The following CLEC16A variants were observed in gnomAD, a reference collection of about 807,000 sequenced individuals.
CLEC16A encodes the protein C-type lectin domain containing 16A, also known as protein CLEC16A.
In CLEC16A, 51 loss-of-function variants were observed where a neutral mutation model predicts 109.5. That is an observed-to-expected ratio of 0.47 (90% CI 0.37 to 0.59). The LOEUF is 0.59. Among genes scored for constraint, CLEC16A ranks in the 20% least tolerant of loss-of-function variants. The pLI is 0.00. For missense variants in CLEC16A, 1,339 were observed against 1,394.0 expected, an observed-to-expected ratio of 0.96 and a Z score of 0.63; for synonymous variants, 673 against 564.2, an observed-to-expected ratio of 1.19 and a Z score of -2.73.
At chr16:11,083,521 G>A (rs1489034060) in intron 19 of CLEC16A, among the ~76,000 whole-genome samples, 3 of 152,220 alleles carry the variant, frequency 2.0e-5, no homozygotes, top group East Asian at 3.9e-4. Flanking sequence ...CCATGTGGGA[G>A]GGGCCCAGGT....
chr16:11,151,821 G>C (rs2054301271), intron 22 of CLEC16A, among the ~76,000 whole-genome samples: 1 of 152,216 alleles, frequency 6.6e-6, no homozygotes, highest in Admixed American at 6.5e-5. Context: ...CCACTTTCGG[G>C]GGGCGGGGGC....
intron 8 of CLEC16A, among the ~76,000 whole-genome samples, chr16:10,978,463 G>T (rs1415699630): frequency 2.0e-5 from 3 of 152,138 alleles, no homozygotes; most frequent in Non-Finnish European, 4.4e-5. Context: ...GTAGAAACGG[G>T]GTTTCACCAT....
At chr16:11,158,350 C>CGGGTTG (rs936573405) in intron 22 of CLEC16A, among the ~76,000 whole-genome samples, 1 of 152,162 alleles carries the variant, frequency 6.6e-6, no homozygotes, top group African/African-American at 2.4e-5. Flanking sequence ...GGAAAATGCA[C>CGGGTTG]GGGTTGCTTC....
intron 11 of CLEC16A, among the ~76,000 whole-genome samples, chr16:11,017,261 G>A (rs773293624): frequency 6.6e-6 from 1 of 152,068 alleles, no homozygotes; most frequent in Non-Finnish European, 1.5e-5. Context: ...GATACTTATT[G>A]TGTGCCTACT....
intron 1 of CLEC16A, among the ~76,000 whole-genome samples, chr16:10,953,617 C>G (rs908221822): frequency 6.6e-6 from 1 of 152,172 alleles, no homozygotes; most frequent in African/African-American, 2.4e-5. Context: ...CAATATTTAT[C>G]TCCAGTAAAG....
chr16:11,127,924 G>C, intron 22 of CLEC16A, among the ~76,000 whole-genome samples: 1 of 152,204 alleles, frequency 6.6e-6, no homozygotes, highest in Admixed American at 6.5e-5. Context: ...GGCACCGCCT[G>C]TTTTCAGTGA....
chr16:11,006,142 C>T (rs922182586), intron 11 of CLEC16A, among the ~76,000 whole-genome samples: 18 of 152,248 alleles, frequency 1.2e-4, no homozygotes, highest in African/African-American at 4.1e-4. Context: ...GGAGAGGGGG[C>T]TTCTCCTTCC....
chr16:11,100,970 G>A (rs979014040), intron 19 of CLEC16A, among the ~76,000 whole-genome samples: 9 of 152,156 alleles, frequency 5.9e-5, no homozygotes, highest in African/African-American at 2.2e-4. Flanking sequence ...GGCTGCGTGA[G>A]GGCCAGACCT....
chr16:11,166,681 C>A, intron 23 of CLEC16A, 129 bp downstream of exon 23: 1 of 948,484 alleles, frequency 1.1e-6, no homozygotes, highest in Non-Finnish European at 1.5e-6. Context: ...CTCAGGTGAT[C>A]TGCACATGAA....
At chr16:11,153,790 TA>T (rs902340161) in intron 22 of CLEC16A, among the ~76,000 whole-genome samples, 2 of 152,054 alleles carry the variant, frequency 1.3e-5, no homozygotes, top group East Asian at 1.9e-4. Context: ...TTAATAATAC[TA>T]AAAAAATAAG....
intron 3 of CLEC16A, among the ~76,000 whole-genome samples, chr16:10,965,267 A>G (rs2042446339): frequency 1.3e-5 from 2 of 152,226 alleles, no homozygotes; most frequent in Non-Finnish European, 2.9e-5. Context: ...AAATCATTGC[A>G]CGTTTACAGA....
intron 22 of CLEC16A, among the ~76,000 whole-genome samples, chr16:11,150,483 G>C (rs909252604): frequency 6.6e-6 from 1 of 152,120 alleles, no homozygotes; most frequent in African/African-American, 2.4e-5. Context: ...TCTATCCCGG[G>C]CAGCGTTGCA....
At chr16:11,078,196 G>A (rs2049497849) in intron 19 of CLEC16A, among the ~76,000 whole-genome samples, 1 of 138 alleles carries the variant, frequency 7.2e-3, no homozygotes, top group African/African-American at 0.019. Flanking sequence ...TGGGTGGTGC[G>A]AAGGCCCTGT....
At chr16:11,011,689 G>A (rs1035356043) in intron 11 of CLEC16A, among the ~76,000 whole-genome samples, 11 of 152,156 alleles carry the variant, frequency 7.2e-5, no homozygotes, top group Non-Finnish European at 1.5e-4. Context: ...AGTGGAGAAA[G>A]CTAGGAAATC....
chr16:11,124,425 C>G (rs2052651968), intron 21 of CLEC16A, among the ~76,000 whole-genome samples: 1 of 152,208 alleles, frequency 6.6e-6, no homozygotes, highest in Non-Finnish European at 1.5e-5. Context: ...CTTCCTCCTT[C>G]CCCTTCCCAG....
At chr16:11,103,725 G>A (rs2051056458) in intron 19 of CLEC16A, among the ~76,000 whole-genome samples, 1 of 151,894 alleles carries the variant, frequency 6.6e-6, no homozygotes, top group African/African-American at 2.4e-5. Context: ...ACTTCTTTGG[G>A]CTCCCATGCT....
chr16:10,974,330 A>C (rs1164846315), intron 7 of CLEC16A, among the ~76,000 whole-genome samples: 1 of 152,182 alleles, frequency 6.6e-6, no homozygotes, highest in Non-Finnish European at 1.5e-5. Flanking sequence ...TGGAATGTGA[A>C]TTATACTTCA....
chr16:11,137,483 T>C (rs8045630), intron 22 of CLEC16A, among the ~76,000 whole-genome samples: 108,235 of 151,280 alleles, frequency 0.72, 40,293 homozygotes, highest in African/African-American at 0.93. Context: ...CAGCTGGGCG[T>C]GGTGGCTCAC....
chr16:11,064,701 C>G (rs1193204521), intron 19 of CLEC16A, among the ~76,000 whole-genome samples: 1 of 152,096 alleles, frequency 6.6e-6, no homozygotes, highest in Non-Finnish European at 1.5e-5. Flanking sequence ...CTCTTGAACC[C>G]GGGAAGTTGA....
Sources: allele counts gnomAD v4.1 joint callset (sites outside exome capture counted in the v4.1 genomes callset), GRCh38; gene constraint gnomAD v4.1.1; transcripts MANE v1.5; gene names NCBI Gene and HGNC (gene_info 2026-07-23, HGNC 2026-07-21).